The following ENTHD1 variants were observed in gnomAD, a reference collection of about 807,000 sequenced individuals.
The protein encoded by ENTHD1 is ENTH domain-containing protein 1.
Under a neutral mutation model 39.1 loss-of-function variants are expected in ENTHD1, and 23 were observed. That is an observed-to-expected ratio of 0.59 (90% confidence interval 0.42 to 0.83). The LOEUF is 0.83. Among genes scored for constraint, ENTHD1 ranks in the 40% least tolerant of loss-of-function variants. The pLI is 0.00. For synonymous variants in ENTHD1, 230 were observed against 258.2 expected (o/e 0.89, Z 1.05); for missense variants, 624 against 705.4 (o/e 0.88, Z 1.31).
intron 6 of ENTHD1, among the ~76,000 whole-genome samples, chr22:39,757,822 T>A (rs1326192070): frequency 6.6e-6 from 1 of 152,080 alleles, no homozygotes; most frequent in African/African-American, 2.4e-5. Context: ...TGGGGTGGTT[T>A]CCCCCATGCT....
At position 39,835,975 on chromosome 22, in the gene ENTHD1, G is replaced by T; in HGVS notation, c.593-17C>A. 1.3e-6 allele frequency: 2 copies of T among 1,561,418 alleles called. No individual in the cohort carries two copies. Among genetic ancestry groups the T allele is most frequent in the Non-Finnish European group, 1.7e-6 (2 of 1,149,592 alleles). ...ACACATTTCCTGTCAACAATATAAA[G>T]CTTAAGATTTTACTTTGGCAAAACA... On this transcript the variant is annotated splice_polypyrimidine_tract_variant and intron_variant, in intron 3 of 6. Coordinates refer to ENST00000325157, the MANE Select transcript of ENTHD1 (RefSeq NM_152512.4).
Position 39,854,190 on chromosome 22 carries a change from G to T in ENTHD1, c.592+7575C>A, listed in dbSNP as rs1039480262. Among the ~76,000 whole-genome samples the T allele has an allele frequency of 3.3e-5, 5 of 152,294 alleles. No individual in the cohort carries two copies. The East Asian group carries it at 7.7e-4, about 24-fold the overall frequency. On this transcript the variant is annotated intron_variant, in intron 3 of 6. Transcript: ENST00000325157. ...AAGCCCAGGCAGACAGGGGGAGAGT[G>T]TGCAAACTCCACACAGACAGGGACC...
intron 3 of ENTHD1, among the ~76,000 whole-genome samples, chr22:39,849,182 T>C (rs2066015488): frequency 1.3e-5 from 2 of 152,218 alleles, no homozygotes; most frequent in South Asian, 4.1e-4. Flanking sequence ...TCTTGAACTT[T>C]TGATTCTTCC....
intron 6 of ENTHD1, among the ~76,000 whole-genome samples, chr22:39,757,088 T>C (rs971933787): frequency 2.0e-5 from 3 of 151,866 alleles, no homozygotes; most frequent in Non-Finnish European, 4.4e-5. Context: ...ATCTTAACAA[T>C]ACTGAGTCTT....
chr22:39,794,097 G>A (rs1039278485), intron 5 of ENTHD1, among the ~76,000 whole-genome samples: 1 of 152,040 alleles, frequency 6.6e-6, no homozygotes, highest in African/African-American at 2.4e-5. Context: ...ATAAGCGTTG[G>A]ATGTCTTTCC....
chr22:39,799,713 T>C (rs1269364341), intron 5 of ENTHD1, among the ~76,000 whole-genome samples: 1 of 152,200 alleles, frequency 6.6e-6, no homozygotes, highest in Admixed American at 6.5e-5. Flanking sequence ...TTTACTTCCC[T>C]TACTGCGCAT....
chr22:39,807,278 G>A lies in ENTHD1; in HGVS notation c.832+13715C>T, dbSNP rs528152570. On this transcript the variant is annotated intron_variant, in intron 5 of 6. Transcript: ENST00000325157. ...TAAAACACATCAAAGGCTCCCCATT[G>A]TTTTTCAGACGCAATAAAAACTCCT... Among the ~76,000 whole-genome samples the A allele has an allele frequency of 1.7e-4, 26 of 152,202 alleles. No individual in the cohort carries two copies. The South Asian group carries it at 5.2e-3, about 30-fold the overall frequency.
chr22:39,864,085 T>A (rs559876964), intron 2 of ENTHD1, among the ~76,000 whole-genome samples: 2 of 152,264 alleles, frequency 1.3e-5, no homozygotes, highest in East Asian at 3.8e-4. Context: ...TGTCGTGTGA[T>A]AAACAGAAGT....
At chr22:39,787,223 G>A (rs2065466131) in intron 5 of ENTHD1, among the ~76,000 whole-genome samples, 1 of 152,126 alleles carries the variant, frequency 6.6e-6, no homozygotes, top group African/African-American at 2.4e-5. Flanking sequence ...TAAATGCTGT[G>A]TGTGTTCTGA....
At chr22:39,789,893 C>G (rs1042588014) in intron 5 of ENTHD1, among the ~76,000 whole-genome samples, 2 of 151,894 alleles carry the variant, frequency 1.3e-5, no homozygotes, top group African/African-American at 4.8e-5. Flanking sequence ...ATAGGGTGAT[C>G]GGAGGCCTCA....
chr22:39,838,826 A>G (rs1338634999), intron 3 of ENTHD1, among the ~76,000 whole-genome samples: 2 of 152,180 alleles, frequency 1.3e-5, no homozygotes, highest in Admixed American at 6.5e-5. Flanking sequence ...ATTTCCAAGC[A>G]TAAAAATATT....
intron 2 of ENTHD1, among the ~76,000 whole-genome samples, chr22:39,882,928 G>A (rs1431386185): frequency 2.7e-5 from 4 of 150,414 alleles, no homozygotes; most frequent in African/African-American, 7.4e-5. Context: ...ACTTGAACCT[G>A]GTGGGGCAGA....
At chr22:39,754,746 C>T (rs964870506) in intron 6 of ENTHD1, among the ~76,000 whole-genome samples, 24 of 152,198 alleles carry the variant, frequency 1.6e-4, no homozygotes, top group African/African-American at 5.8e-4. Context: ...TCTACCTCAC[C>T]CTCTGTTGTC....
intron 2 of ENTHD1, among the ~76,000 whole-genome samples, chr22:39,864,371 G>A (rs2066167918): frequency 6.6e-6 from 1 of 151,998 alleles, no homozygotes; most frequent in African/African-American, 2.4e-5. Context: ...GATTCATTCA[G>A]GTCTCAAGTG....
Position 39,744,006 on chromosome 22 carries a change from A to G in ENTHD1, c.1497T>C (p.Asp499=). 6.2e-7 allele frequency: 1 copy of G among 1,614,180 alleles called. No homozygotes were observed. The highest frequency in any genetic ancestry group is 8.5e-7 in the Non-Finnish European group (1 of 1,180,004). ...NLLGILPNNS[D]SAKKNISHIS... is the part of the protein sequence containing the mutation. ...TGTGACTTATATTCTTTTTAGCAGAATCAGAGTTATTTGGAAGAATTCCCA... is the reference window on the plus strand; with the variant it reads ...TGTGACTTATATTCTTTTTAGCAGAGTCAGAGTTATTTGGAAGAATTCCCA... Residue 499 remains aspartate, a synonymous_variant, in exon 7 of 7, where the codon GAT becomes GAC. Coordinates refer to ENST00000325157, the MANE Select transcript of ENTHD1 (RefSeq NM_152512.4).
intron 4 of ENTHD1, among the ~76,000 whole-genome samples, chr22:39,826,163 A>G (rs1209585622): frequency 6.6e-6 from 1 of 152,168 alleles, no homozygotes; most frequent in African/African-American, 2.4e-5. Flanking sequence ...GATTATGAGC[A>G]TGCCTGGCCC....
intron 3 of ENTHD1, among the ~76,000 whole-genome samples, chr22:39,848,884 A>G (rs1393767079): frequency 6.6e-6 from 1 of 152,158 alleles, no homozygotes; most frequent in Non-Finnish European, 1.5e-5. Context: ...TAAATCCTTA[A>G]TTCATCCAGG....
chr22:39,855,769 T>G (rs894381181), intron 3 of ENTHD1, among the ~76,000 whole-genome samples: 8 of 152,100 alleles, frequency 5.3e-5, no homozygotes, highest in Admixed American at 4.6e-4. Context: ...GCAATGAGAC[T>G]CAAAAATAGC....
At chr22:39,839,385 CA>C (rs1214831255) in intron 3 of ENTHD1, among the ~76,000 whole-genome samples, 1 of 151,996 alleles carries the variant, frequency 6.6e-6, no homozygotes, top group Non-Finnish European at 1.5e-5. Context: ...CCAGAGTAAT[CA>C]AAAACAACCA....
Sources: gnomAD v4.1 joint callset for allele counts (sites outside exome capture counted in the v4.1 genomes callset) on GRCh38, gnomAD v4.1.1 for gene constraint, MANE v1.5 for transcripts, NCBI Gene and HGNC (gene_info 2026-07-23, HGNC 2026-07-21) for gene names.